Variants in CCN3 observed in about 807,000 individuals in gnomAD.
CCN3 encodes CCN family member 3.
In CCN3, 20 loss-of-function variants were observed where a neutral mutation model predicts 33.4. The observed-to-expected ratio is 0.60, with a 90% CI of 0.42 to 0.87. CCN3 has a LOEUF of 0.87. Ranked by LOEUF, CCN3 falls within the 40% of genes least tolerant of loss-of-function variation. The probability of loss-of-function intolerance (pLI) is 0.00; values close to 1 mark genes in which losing one functional copy is unlikely to be tolerated. For missense variants in CCN3, 465 were observed against 455.3 expected (o/e 1.02, Z -0.19); for synonymous variants, 205 against 170.4 (o/e 1.20, Z -1.58).
At chr8:119,417,589 C>G (rs1434536183) in intron 2 of CCN3, among the ~76,000 whole-genome samples, 1 of 152,162 alleles carries the variant, frequency 6.6e-6, no homozygotes, top group Non-Finnish European at 1.5e-5. Context: ...AGGGCTTTTA[C>G]TTTTTTCTCT....
intron 4 of CCN3, 143 bp from the exon 5 acceptor site, chr8:119,422,693 C>A: frequency 1.4e-6 from 1 of 736,550 alleles, no homozygotes; most frequent in Non-Finnish European, 2.2e-6. Flanking sequence ...GACTACATTG[C>A]TCAAGCAAAA....
rs775472652 is a variant in CCN3 at position 119,416,768 on chromosome 8, C to T, written c.109C>T (p.Pro37Ser). 26 of 1,592,740 alleles carry T rather than the reference C, an allele frequency of 1.6e-5. 1 individual carries two copies. The South Asian group carries it at 2.6e-4, about 16-fold the overall frequency. The part of the protein sequence containing the change: ...GQVAATQRCP[P>S]QCPGRCPATP... Reference sequence around the variant, plus strand: ...GGTCGCTGCGACTCAGCGCTGCCCTCCCCAGTGCCCGGGCCGGTGCCCTGC... The same window carrying T: ...GGTCGCTGCGACTCAGCGCTGCCCTTCCCAGTGCCCGGGCCGGTGCCCTGC... The change falls in exon 2 of 5, where the codon CCC (proline) becomes TCC (serine). Residue 37 changes from proline (P) to serine (S), a missense_variant. Pro to Ser is a moderately conservative substitution (Grantham distance 74). Transcript: ENST00000259526.
intron 2 of CCN3, 36 bp from the exon 3 acceptor site, chr8:119,418,022 C>G: frequency 6.3e-7 from 1 of 1,587,876 alleles, no homozygotes; most frequent in African/African-American, 1.3e-5. Context: ...TTTCCTCTTC[C>G]TCTTTGCTTT....
intron 4 of CCN3, 68 bp downstream of exon 4, chr8:119,419,413 G>C (rs1820095702): frequency 4.7e-6 from 7 of 1,474,148 alleles, no homozygotes; most frequent in Admixed American, 1.7e-5. Context: ...CTGGGCTTCA[G>C]AAAGTCACTG....
chr8:119,422,143 GGACAGAGAGA>G (rs1271451933), intron 4 of CCN3, among the ~76,000 whole-genome samples: 1 of 151,656 alleles, frequency 6.6e-6, no homozygotes, highest in Non-Finnish European at 1.5e-5. Flanking sequence ...CATGGCAGCA[GGACAGAGAGA>G]GACAGAGAGA....
chr8:119,423,519 A>C lies in CCN3; in HGVS notation c.*387A>C, dbSNP rs1452148094. 1 of 167,588 alleles carries C rather than the reference A, an allele frequency of 6.0e-6. No individual in the cohort carries two copies. The highest frequency in any genetic ancestry group is 2.4e-5 in the African/African-American group (1 of 41,962). 10.4% of individuals were successfully genotyped at this position (167,588 alleles called of 1,614,324 possible). On this transcript the variant is annotated 3_prime_UTR_variant, in exon 5 of 5. Transcript: ENST00000259526. The stretch of plus-strand genomic sequence containing the variant: ...TCACTGTAATGAGTCAGTGAAGTCT[A>C]GAATCATACTTAACATTTCATTGTA...
At chr8:119,420,625 G>T (rs1820110212) in intron 4 of CCN3, among the ~76,000 whole-genome samples, 1 of 152,118 alleles carries the variant, frequency 6.6e-6, no homozygotes, top group Non-Finnish European at 1.5e-5. Context: ...TAGTCATATA[G>T]GTTCACCCAC....
chr8:119,422,039 G>C (rs77948511), intron 4 of CCN3, among the ~76,000 whole-genome samples: 27,906 of 152,148 alleles, frequency 0.18, 2,748 homozygotes, highest in Non-Finnish European at 0.22. Context: ...ATAAAGAAAA[G>C]ATGTGTAATT....
At position 119,423,572 on chromosome 8, in the gene CCN3, C is replaced by T. The variant is rs2071518; in HGVS notation, c.*440C>T. ...AGTATTACAACCATATATTGAGGTT[C>T]ATTGGGAAGATTCTCTATTGGCTCC... On this transcript the variant is annotated 3_prime_UTR_variant, in exon 5 of 5. Transcript: ENST00000259526. 0.33 allele frequency: 50,926 copies of T among 153,434 alleles called. 10,055 individuals are homozygous for T. The highest frequency in any genetic ancestry group is 0.55 in the African/African-American group (22,843 of 41,466). The allele number at this position is 153,434 out of a possible 1,614,324, so 9.5% of individuals were successfully genotyped here.
At chr8:119,417,719 C>G (rs1820070645) in intron 2 of CCN3, among the ~76,000 whole-genome samples, 1 of 152,154 alleles carries the variant, frequency 6.6e-6, no homozygotes, top group African/African-American at 2.4e-5. Context: ...GTCTAAGCTG[C>G]TGGAGTAGGA....
At position 119,418,273 on chromosome 8, in the gene CCN3, G is replaced by T; in HGVS notation, c.526G>T (p.Asp176Tyr). 6.2e-7 allele frequency: 1 copy of T among 1,614,182 alleles called. No homozygotes were observed. Among genetic ancestry groups the T allele is most frequent in the Non-Finnish European group, 8.5e-7 (1 of 1,180,040 alleles). The change falls in exon 3 of 5, where the codon GAT (aspartate) becomes TAT (tyrosine). Residue 176 changes from aspartate to tyrosine, a missense_variant. Coordinates refer to ENST00000259526, the MANE Select transcript of CCN3 (RefSeq NM_002514.4). ...ECCEKWICGP[D>Y]EEDSLGGLTL... is the part of the protein sequence containing the mutation. ...CTGTGAAAAGTGGATCTGTGGCCCA[G>T]ATGAGGAGGATTCACTGGGAGGCCT...
chr8:119,422,760 G>T lies in CCN3; in HGVS notation c.778-76G>T, dbSNP rs1587237353. On this transcript the variant is annotated intron_variant, in intron 4 of 4. Transcript: ENST00000259526. Reference sequence around the variant, plus strand: ...ATAGATATTGGGTGGGCAACTAGCAGGTAATTCCATACTCTAAAATTGTCC... The same window carrying T: ...ATAGATATTGGGTGGGCAACTAGCATGTAATTCCATACTCTAAAATTGTCC... The T allele has an allele frequency of 6.0e-5, 73 of 1,221,182 alleles. 1 individual carries two copies. In the East Asian group the frequency reaches 1.7e-3, roughly 28 times the overall value. The allele number at this position is 1,221,182 out of a possible 1,614,324, so 75.6% of individuals were successfully genotyped here.
At chr8:119,421,492 A>G (rs75646767) in intron 4 of CCN3, among the ~76,000 whole-genome samples, 6,642 of 152,286 alleles carry the variant, frequency 0.044, 309 homozygotes, top group African/African-American at 0.11. Flanking sequence ...TTTGAGAGCC[A>G]CTGATTTAAG....
rs544167615 is a variant in CCN3, at chr8:119,418,275, T to G, written c.528T>G (p.Asp176Glu). ...ECCEKWICGP[D>E]EEDSLGGLTL... ...GTGAAAAGTGGATCTGTGGCCCAGA[T>G]GAGGAGGATTCACTGGGAGGCCTTA... is the stretch of plus-strand genomic sequence containing the variant. Residue 176 changes from aspartate (D) to glutamate (E), a missense_variant, in exon 3 of 5, where the codon GAT (aspartate) becomes GAG (glutamate). Asp to Glu is a conservative substitution (Grantham distance 45, BLOSUM62 2). Transcript: ENST00000259526. 1 of 1,614,130 alleles carries G rather than the reference T, an allele frequency of 6.2e-7. No homozygotes were observed. The highest frequency in any genetic ancestry group is 2.2e-5 in the East Asian group (1 of 44,884).
rs1820158424 is a variant in CCN3 at position 119,423,677 on chromosome 8, T to C, written c.*545T>C. ...AGCTCTTCAACATGACATCCAGAGATGACTATTACTTTTCTGTTTAGTTTT... is the reference window on the plus strand; with the variant it reads ...AGCTCTTCAACATGACATCCAGAGACGACTATTACTTTTCTGTTTAGTTTT... On this transcript the variant is annotated 3_prime_UTR_variant, in exon 5 of 5. Coordinates refer to ENST00000259526, the MANE Select transcript of CCN3 (RefSeq NM_002514.4). 1 of 152,750 alleles carries C rather than the reference T, an allele frequency of 6.5e-6. No homozygotes were observed. Among genetic ancestry groups the C allele is most frequent in the African/African-American group, 2.4e-5 (1 of 41,466 alleles). The allele number at this position is 152,750 out of a possible 1,614,324, so 9.5% of individuals were successfully genotyped here.
At chr8:119,421,139 C>T (rs1458397647) in intron 4 of CCN3, among the ~76,000 whole-genome samples, 1 of 151,432 alleles carries the variant, frequency 6.6e-6, no homozygotes, top group East Asian at 1.9e-4. Flanking sequence ...CTGCCTCAGC[C>T]TCCTCAGTAG....
Position 119,423,239 on chromosome 8 carries a change from C to T in CCN3, c.*107C>T, listed in dbSNP as rs1420792490. On this transcript the variant is annotated 3_prime_UTR_variant, in exon 5 of 5. Transcript: ENST00000259526. ...AAGAATCACGATTTCATCCTTGAAT[C>T]CTATGTATTTTCCTAATGTGATCAT... is the stretch of plus-strand genomic sequence containing the variant. 3.5e-6 allele frequency: 4 copies of T among 1,129,548 alleles called. No individual in the cohort carries two copies. In the African/African-American group the frequency reaches 6.2e-5, roughly 18 times the overall value. The allele number at this position is 1,129,548 out of a possible 1,614,324, so 70.0% of individuals were successfully genotyped here. A position where few individuals can be genotyped will look rare whatever the true frequency, so the allele number is the denominator to read the frequency against.
chr8:119,416,778 C>G lies in CCN3; in HGVS notation c.119C>G (p.Pro40Arg). ...ACTCAGCGCTGCCCTCCCCAGTGCCCGGGCCGGTGCCCTGCGACGCCGCCG... is the reference window on the plus strand; with the variant it reads ...ACTCAGCGCTGCCCTCCCCAGTGCCGGGGCCGGTGCCCTGCGACGCCGCCG... The part of the protein sequence containing the change: ...AATQRCPPQC[P>R]GRCPATPPTC... The change falls in exon 2 of 5, where the codon CCG becomes CGG. Residue 40 changes from proline (P) to arginine (R), a missense_variant. Pro to Arg is a moderately radical substitution (Grantham distance 103). Coordinates refer to ENST00000259526, the MANE Select transcript of CCN3 (RefSeq NM_002514.4). 1.9e-6 allele frequency: 3 copies of G among 1,595,316 alleles called. No homozygotes were observed. Among genetic ancestry groups the G allele is most frequent in the Non-Finnish European group, 2.6e-6 (3 of 1,170,928 alleles).
At position 119,418,069 on chromosome 8, in the gene CCN3, G is replaced by A. The variant is rs1266217803; in HGVS notation, c.322G>A (p.Asp108Asn). ...QTGICTAVEG[D>N]NCVFDGVIYR... ...CCCCAATATTCTAGCGGTAGAGGGA[G>A]ATAACTGTGTGTTCGATGGGGTCAT... Residue 108 changes from aspartate (D) to asparagine (N), a missense_variant, in exon 3 of 5, where the codon GAT becomes AAT. Transcript: ENST00000259526. 1.9e-6 allele frequency: 3 copies of A among 1,613,296 alleles called. No individual in the cohort carries two copies. The highest frequency in any genetic ancestry group is 2.5e-6 in the Non-Finnish European group (3 of 1,179,240).
Sources: gnomAD v4.1 joint callset for allele counts (sites outside exome capture counted in the v4.1 genomes callset) on GRCh38, gnomAD v4.1.1 for gene constraint, MANE v1.5 for transcripts, NCBI Gene and HGNC (gene_info 2026-07-23, HGNC 2026-07-21) for gene names.